SLC6A5: variants seen among roughly 807,000 people sequenced by gnomAD.
SLC6A5 encodes the protein sodium- and chloride-dependent glycine transporter 2.
In SLC6A5, 58 loss-of-function variants were observed where a neutral mutation model predicts 90.5. The observed-to-expected ratio is 0.64, with a 90% CI of 0.52 to 0.80. The LOEUF (loss-of-function observed/expected upper bound fraction) is 0.80, where lower values mean the gene tolerates loss of function less well. SLC6A5 is among the 30% of genes least tolerant of loss of function. SLC6A5 has a pLI of 0.00. For missense variants in SLC6A5, 1,015 were observed against 1,017.6 expected, an observed-to-expected ratio of 1.00 and a Z score of 0.03; for synonymous variants, 427 against 401.4, an observed-to-expected ratio of 1.06 and a Z score of -0.76.
At chr11:20,637,428 T>C in intron 12 of SLC6A5, 125 bp downstream of exon 12, 3 of 830,322 alleles carry the variant, frequency 3.6e-6, no homozygotes, top group Admixed American at 2.0e-5. Flanking sequence ...CATTTCCATG[T>C]AGATGGCACC....
At chr11:20,612,716 T>C (rs1157496120) in intron 5 of SLC6A5, among the ~76,000 whole-genome samples, 1 of 152,186 alleles carries the variant, frequency 6.6e-6, no homozygotes, top group African/African-American at 2.4e-5. Context: ...ATAGGGGTCT[T>C]GTTATGTTGC....
At chr11:20,637,514 T>G (rs777888935) in intron 12 of SLC6A5, among the ~76,000 whole-genome samples, 7 of 152,166 alleles carry the variant, frequency 4.6e-5, no homozygotes, top group Non-Finnish European at 1.0e-4. Flanking sequence ...ATCTTCATAA[T>G]TGAGATGTAG....
chr11:20,631,988 C>T (rs928233785), intron 10 of SLC6A5, among the ~76,000 whole-genome samples: 3 of 152,160 alleles, frequency 2.0e-5, no homozygotes, highest in African/African-American at 4.8e-5. Flanking sequence ...AATTATCTCT[C>T]CCTGGAGAGA....
In SLC6A5 at chr11:20,601,563, C is replaced by T. The variant is rs752552283; in HGVS notation, c.438C>T (p.Thr146=). Residue 146 remains threonine, a synonymous_variant, in exon 2 of 16, where the codon ACC becomes ACT. Coordinates refer to ENST00000525748, the MANE Select transcript of SLC6A5 (RefSeq NM_004211.5). The part of the protein sequence containing the change: ...VGKGTLERNN[T]PVVGWVNMSQ... ...AGGGCACCCTGGAGCGGAACAATAC[C>T]CCTGTTGTGGGCTGGGTGAACATGA... 2 of 1,614,162 alleles carry T rather than the reference C, an allele frequency of 1.2e-6. No individual in the cohort carries two copies. Among genetic ancestry groups the T allele is most frequent in the South Asian group, 1.1e-5 (1 of 91,084 alleles).
chr11:20,615,676 T>C (rs1400300053), intron 6 of SLC6A5, among the ~76,000 whole-genome samples: 2 of 152,236 alleles, frequency 1.3e-5, no homozygotes, highest in African/African-American at 2.4e-5. Context: ...CATGAAATTA[T>C]GTCTTAAGGG....
At chr11:20,604,247 C>G in intron 2 of SLC6A5, 39 bp from the exon 3 acceptor site, 2 of 1,582,622 alleles carry the variant, frequency 1.3e-6, no homozygotes, top group Non-Finnish European at 1.7e-6. Context: ...TGTGGACCTA[C>G]TCGGGGCTGT....
intron 1 of SLC6A5, 131 bp downstream of exon 1, chr11:20,599,806 AT>A (rs1189820688): frequency 4.7e-5 from 49 of 1,046,968 alleles, no homozygotes; most frequent in Non-Finnish European, 5.9e-6. Flanking sequence ...GAGGAGAACA[AT>A]TCTCGCAGCC....
rs192941780 is a variant in SLC6A5, at chr11:20,651,709, A to G, written c.2071-580A>G. 4.7e-3 allele frequency among the ~76,000 whole-genome samples: 708 copies of G among 152,054 alleles called. 2 individuals are homozygous for G. Among genetic ancestry groups the G allele is most frequent in the Middle Eastern group, 0.017 (5 of 294 alleles). On this transcript the variant is annotated intron_variant, in intron 14 of 15. Transcript: ENST00000525748. ...GATCACCTGAGGTCAGGAGTTTGAG[A>G]TCAGCCTGGCCAACATGGTGAAATA...
At chr11:20,604,177 A>G (rs1346771409) in intron 2 of SLC6A5, 109 bp from the exon 3 acceptor site, 1 of 1,381,952 alleles carries the variant, frequency 7.2e-7, no homozygotes. Context: ...TCGGTTGAGA[A>G]GTGGGAGCCT....
rs988316381 is a variant in SLC6A5, at chr11:20,626,182, C to T, written c.1261-526C>T. Among the ~76,000 whole-genome samples, 3 of 152,216 alleles carry T rather than the reference C, an allele frequency of 2.0e-5. No individual in the cohort carries two copies. The East Asian group carries it at 5.8e-4, about 29-fold the overall frequency. ...AAGATTCAGAGAGCTTAATAAATGT[C>T]TAAGGTCACACAGCTAGTCAGTGCC... is the stretch of plus-strand genomic sequence containing the variant. On this transcript the variant is annotated intron_variant, in intron 7 of 15. Coordinates refer to ENST00000525748, the MANE Select transcript of SLC6A5 (RefSeq NM_004211.5).
intron 3 of SLC6A5, among the ~76,000 whole-genome samples, chr11:20,606,448 G>A (rs556656462): frequency 3.3e-5 from 5 of 152,334 alleles, no homozygotes; most frequent in East Asian, 1.9e-4. Flanking sequence ...GTTGAGAAGT[G>A]TGTGATGGGG....
In SLC6A5 at chr11:20,646,835, C is replaced by G. The variant is rs778110966; in HGVS notation, c.1971C>G (p.Gly657=). 2.5e-6 allele frequency: 4 copies of G among 1,609,324 alleles called. No homozygotes were observed. In the African/African-American group the frequency reaches 5.3e-5, roughly 22 times the overall value. ...FELVGISYVY[G]LQRFCEDIEM... ...TGTTCTCTGCTTGTCTATTTGCAGG[C>G]TTGCAAAGATTCTGTGAAGATATAG... Residue 657 remains glycine (G), a splice_region_variant and synonymous_variant, in exon 14 of 16, where the codon GGC becomes GGG. Transcript: ENST00000525748.
At position 20,655,250 on chromosome 11, in the gene SLC6A5, T is replaced by C. The variant is rs765975253; in HGVS notation, c.*382T>C. ...GTAAGGCATGTATAGAGTGGCCGAA[T>C]TACAAGACTTTATTTGGACTTGAAC... is the stretch of plus-strand genomic sequence containing the variant. On this transcript the variant is annotated 3_prime_UTR_variant, in exon 16 of 16. Transcript: ENST00000525748. 1.5e-5 allele frequency: 5 copies of C among 325,816 alleles called. No homozygotes were observed. The highest frequency in any genetic ancestry group is 3.0e-5 in the Non-Finnish European group (5 of 165,314). The allele number at this position is 325,816 out of a possible 1,614,324, so 20.2% of individuals were successfully genotyped here.
chr11:20,642,372 A>G (rs1590178259), intron 13 of SLC6A5, among the ~76,000 whole-genome samples: 2 of 152,244 alleles, frequency 1.3e-5, no homozygotes, highest in East Asian at 3.9e-4. Context: ...ATCTCAGTTC[A>G]GGATCTTTTG....
chr11:20,614,654 T>G, intron 5 of SLC6A5, 25 bp from the exon 6 acceptor site: 1 of 1,608,462 alleles, frequency 6.2e-7, no homozygotes, highest in East Asian at 2.2e-5. Context: ...TTAACTGTGT[T>G]TCTATTCTGT....
At chr11:20,607,433 A>G (rs371587670) in intron 4 of SLC6A5, 46 bp from the exon 5 acceptor site, 15 of 1,610,900 alleles carry the variant, frequency 9.3e-6, no homozygotes, top group Non-Finnish European at 1.3e-5. Context: ...TAAGAATTCC[A>G]TAGCATTTAA....
intron 7 of SLC6A5, among the ~76,000 whole-genome samples, chr11:20,618,469 A>C (rs913979004): frequency 6.6e-6 from 1 of 152,128 alleles, no homozygotes; most frequent in Admixed American, 6.5e-5. Flanking sequence ...CTGAGCAATT[A>C]CTTGGTAAGG....
At chr11:20,610,254 G>T (rs1292547226) in intron 5 of SLC6A5, among the ~76,000 whole-genome samples, 2 of 152,208 alleles carry the variant, frequency 1.3e-5, no homozygotes, top group East Asian at 1.9e-4. Context: ...ATTCCCTCGC[G>T]GGTGGACCCG....
chr11:20,606,827 G>T (rs1215256518), intron 3 of SLC6A5, among the ~76,000 whole-genome samples, 180 bp from the exon 4 acceptor site: 3 of 152,186 alleles, frequency 2.0e-5, no homozygotes, highest in Non-Finnish European at 4.4e-5. Flanking sequence ...TTGGAGGAAG[G>T]CTCTTAAATA....
Sources: allele counts gnomAD v4.1 joint callset (sites outside exome capture counted in the v4.1 genomes callset), GRCh38; gene constraint gnomAD v4.1.1; transcripts MANE v1.5; gene names NCBI Gene and HGNC (gene_info 2026-07-23, HGNC 2026-07-21).